The following MUSK variants were observed in gnomAD, a reference collection of about 807,000 sequenced individuals.
MUSK encodes the protein muscle, skeletal receptor tyrosine-protein kinase.
In MUSK, 55 loss-of-function variants were observed where a neutral mutation model predicts 88.7. That is an observed-to-expected ratio of 0.62 (90% confidence interval 0.50 to 0.78). The LOEUF is 0.78. MUSK is among the 30% of genes least tolerant of loss of function. MUSK has a pLI of 0.00. For synonymous variants in MUSK, 387 were observed against 391.9 expected, an observed-to-expected ratio of 0.99 and a Z score of 0.15; for missense variants, 1,015 against 1,074.3, an observed-to-expected ratio of 0.94 and a Z score of 0.77.
At chr9:110,751,958 G>T (rs2077253773) in intron 7 of MUSK, among the ~76,000 whole-genome samples, 3 of 152,112 alleles carry the variant, frequency 2.0e-5, no homozygotes, top group African/African-American at 7.2e-5. Context: ...TGATAAATGA[G>T]AAACATGCCT....
At chr9:110,684,197 A>G (rs10817072) in intron 2 of MUSK, among the ~76,000 whole-genome samples, 105,365 of 152,002 alleles carry the variant, frequency 0.69, 37,869 homozygotes, top group African/African-American at 0.86. Context: ...TCTTCTGTAC[A>G]TGGATATCCA....
chr9:110,756,763 G>T (rs908278589), intron 7 of MUSK, among the ~76,000 whole-genome samples: 1 of 152,094 alleles, frequency 6.6e-6, no homozygotes, highest in Non-Finnish European at 1.5e-5. Context: ...CTATTTGTCT[G>T]GTTATAGGGC....
chr9:110,717,597 T>A (rs534483462), intron 5 of MUSK, among the ~76,000 whole-genome samples: 2 of 150,228 alleles, frequency 1.3e-5, no homozygotes. Context: ...GTTTCCAATT[T>A]CTTATTTCTG....
chr9:110,790,113 G>A (rs921463197), intron 14 of MUSK, among the ~76,000 whole-genome samples: 5 of 152,190 alleles, frequency 3.3e-5, no homozygotes, highest in African/African-American at 1.2e-4. Context: ...AGAGTGTGGT[G>A]TCCTGGATGT....
chr9:110,687,194 G>T lies in MUSK; in HGVS notation c.284G>T (p.Gly95Val). Residue 95 changes from glycine to valine, a missense_variant, in exon 3 of 15, where the codon GGC (glycine) becomes GTC (valine). Gly to Val is a moderately radical substitution (Grantham distance 109). Transcript: ENST00000374448. Reference protein sequence around the residue: ...TILSVEDSDDGIYCCTANNGV... With the variant: ...TILSVEDSDDVIYCCTANNGV... ...CTGAGTGTGGAAGACAGTGATGATG[G>T]CATTTACTGCTGCACGGCCAACAAT... 1 of 1,613,870 alleles carries T rather than the reference G, an allele frequency of 6.2e-7. No individual in the cohort carries two copies. The highest frequency in any genetic ancestry group is 8.5e-7 in the Non-Finnish European group (1 of 1,179,810).
At chr9:110,770,324 ATAATAAT>A (rs11278230) in intron 9 of MUSK, among the ~76,000 whole-genome samples, 42,914 of 145,218 alleles carry the variant, frequency 0.3, 7,399 homozygotes, top group African/African-American at 0.46. Context: ...ATAATTATCA[ATAATAAT>A]TAATAATTAT....
intron 5 of MUSK, among the ~76,000 whole-genome samples, chr9:110,733,630 C>T (rs1367992558): frequency 1.3e-5 from 2 of 151,736 alleles, no homozygotes; most frequent in East Asian, 1.9e-4. Context: ...TGTCTGCCCT[C>T]CCACTATGAT....
At chr9:110,716,879 C>G (rs1217006275) in intron 5 of MUSK, among the ~76,000 whole-genome samples, 1 of 149,772 alleles carries the variant, frequency 6.7e-6, no homozygotes, top group Non-Finnish European at 1.5e-5. Flanking sequence ...TGATGTTCCT[C>G]TTCATCCCTT....
intron 5 of MUSK, among the ~76,000 whole-genome samples, chr9:110,720,046 A>G (rs1414957686): frequency 6.6e-6 from 1 of 152,044 alleles, no homozygotes; most frequent in African/African-American, 2.4e-5. Context: ...GGACTGAACG[A>G]TAATAGTAAC....
intron 9 of MUSK, among the ~76,000 whole-genome samples, chr9:110,770,692 CTT>C (rs2077560885): frequency 6.6e-6 from 1 of 150,648 alleles, no homozygotes; most frequent in Admixed American, 6.6e-5. Flanking sequence ...GTATGCCATT[CTT>C]TTTATGTAGA....
intron 8 of MUSK, 171 bp from the exon 9 acceptor site, chr9:110,767,649 A>C (rs1029636414): frequency 4.2e-6 from 3 of 715,910 alleles, no homozygotes; most frequent in Admixed American, 4.6e-5. Flanking sequence ...AGATGATATA[A>C]TTGCAGCTGG....
Position 110,703,416 on chromosome 9 carries a change from G to C in MUSK, c.628+5950G>C, listed in dbSNP as rs746119425. 2.6e-5 allele frequency among the ~76,000 whole-genome samples: 4 copies of C among 151,992 alleles called. No homozygotes were observed. In the East Asian group the frequency reaches 7.8e-4, roughly 29 times the overall value. Reference sequence around the variant, plus strand: ...GTGGTGGTGCACGCCTGTAGTTCCAGCTACTCAGAAGGCTGAGACAAAAGG... The same window carrying C: ...GTGGTGGTGCACGCCTGTAGTTCCACCTACTCAGAAGGCTGAGACAAAAGG... On this transcript the variant is annotated intron_variant, in intron 5 of 14. Transcript: ENST00000374448.
At chr9:110,728,830 A>G in intron 5 of MUSK, 1 of 766,172 alleles carries the variant, frequency 1.3e-6, no homozygotes, top group Non-Finnish European at 2.0e-6. Flanking sequence ...GAAATAACAA[A>G]CAATGTATGG....
At chr9:110,797,130 AAT>A (rs1160879021) in intron 14 of MUSK, among the ~76,000 whole-genome samples, 14 of 44,446 alleles carry the variant, frequency 3.1e-4, no homozygotes, top group South Asian at 1.4e-3. Context: ...AAAATAAAAA[AAT>A]AAAAAATAAA....
At chr9:110,689,106 T>C (rs1422250004) in intron 3 of MUSK, among the ~76,000 whole-genome samples, 1 of 128,546 alleles carries the variant, frequency 7.8e-6, no homozygotes, top group African/African-American at 2.8e-5. Flanking sequence ...AAATATATAG[T>C]TTTATAATTT....
intron 8 of MUSK, among the ~76,000 whole-genome samples, chr9:110,767,479 C>T (rs2077502410): frequency 6.6e-6 from 1 of 152,164 alleles, no homozygotes; most frequent in South Asian, 2.1e-4. Context: ...CTTCCAGATG[C>T]ATCTTTGCTT....
At chr9:110,732,905 G>C (rs186121058) in intron 5 of MUSK, among the ~76,000 whole-genome samples, 5 of 152,098 alleles carry the variant, frequency 3.3e-5, no homozygotes, top group African/African-American at 1.2e-4. Context: ...CAAATCAAAT[G>C]TTCCTTAATC....
At chr9:110,736,412 G>A (rs1048259627) in intron 6 of MUSK, among the ~76,000 whole-genome samples, 2 of 152,074 alleles carry the variant, frequency 1.3e-5, no homozygotes, top group African/African-American at 4.8e-5. Flanking sequence ...GGAGTTGAAG[G>A]GTGAAGTTAC....
rs762032753 is a variant in MUSK, at chr9:110,728,671, CTTGTTT to C, written c.629-5577_629-5572del. 4.5e-6 allele frequency: 7 copies of C among 1,543,456 alleles called. No homozygotes were observed. The South Asian group carries it at 6.8e-5, about 15-fold the overall frequency. ...TGTTTATTGTGTGTGTTTGTTTTGT[CTTGTTT>C]TTATTAACAGAAGAAAGTGAACCCG... On this transcript the variant is annotated intron_variant, in intron 5 of 14. Coordinates refer to ENST00000374448, the MANE Select transcript of MUSK (RefSeq NM_005592.4).
Sources: gnomAD v4.1 joint callset for allele counts (sites outside exome capture counted in the v4.1 genomes callset) on GRCh38, gnomAD v4.1.1 for gene constraint, MANE v1.5 for transcripts, NCBI Gene and HGNC (gene_info 2026-07-23, HGNC 2026-07-21) for gene names.